Variants in C1GALT1 observed in about 807,000 individuals in gnomAD.
C1GALT1 encodes the protein glycoprotein-N-acetylgalactosamine 3-beta-galactosyltransferase 1.
C1GALT1 carries 11 observed loss-of-function variants against 31.0 expected under a neutral mutation model. The observed-to-expected ratio is 0.36, with a 90% CI of 0.22 to 0.59. The LOEUF (loss-of-function observed/expected upper bound fraction) is 0.59, where lower values mean the gene tolerates loss of function less well. Among genes scored for constraint, C1GALT1 ranks in the 20% least tolerant of loss-of-function variants. The probability of loss-of-function intolerance (pLI) is 0.79; values close to 1 mark genes in which losing one functional copy is unlikely to be tolerated. For missense variants in C1GALT1, 424 were observed against 425.2 expected, an observed-to-expected ratio of 1.00 and a Z score of 0.03; for synonymous variants, 175 against 143.6, an observed-to-expected ratio of 1.22 and a Z score of -1.56.
In C1GALT1 at chr7:7,197,931, T is replaced by C. The variant is rs11982325; in HGVS notation, c.-18+15111T>C. Among the ~76,000 whole-genome samples, 972 of 152,274 alleles carry C rather than the reference T, an allele frequency of 6.4e-3. 8 individuals carry two copies. Among genetic ancestry groups the C allele is most frequent in the African/African-American group, 0.022 (928 of 41,566 alleles). ...TGAAGTTGCTTATCAGCTTGAGATA[T>C]TGGGCTGAGACGATGGGGTTTTCTA... On this transcript the variant is annotated intron_variant, in intron 1 of 3. Coordinates refer to ENST00000436587, the MANE Select transcript of C1GALT1 (RefSeq NM_020156.5).
chr7:7,235,013 C>T (rs60971270), intron 2 of C1GALT1: 2,103 of 152,776 alleles, frequency 0.014, 45 homozygotes, highest in African/African-American at 0.047. Flanking sequence ...ACCAAGGATG[C>T]GTTCTAAAGA....
In C1GALT1 at chr7:7,182,823, A is replaced by G. The variant is rs1178873092; in HGVS notation, c.-18+3A>G. On this transcript the variant is annotated splice_donor_region_variant and intron_variant, in intron 1 of 3. Transcript: ENST00000436587. The stretch of plus-strand genomic sequence containing the variant: ...GAGGGAGCCGCAGCTGATGTCAGGT[A>G]TGGCCGGCGGAGGCGCCCTCAGGCT... 10 of 985,348 alleles carry G rather than the reference A, an allele frequency of 1.0e-5. No individual in the cohort carries two copies. Among genetic ancestry groups the G allele is most frequent in the African/African-American group, 1.7e-5 (1 of 57,216 alleles). The allele number at this position is 985,348 out of a possible 1,614,324, so 61.0% of individuals were successfully genotyped here.
At chr7:7,214,720 A>G (rs1583792947) in intron 1 of C1GALT1, among the ~76,000 whole-genome samples, 1 of 152,200 alleles carries the variant, frequency 6.6e-6, no homozygotes, top group Non-Finnish European at 1.5e-5. Flanking sequence ...CCAGCCCCCA[A>G]GCTGTCCTTG....
chr7:7,167,907 T>C (rs1277913794), intron 2 of C1GALT1, among the ~76,000 whole-genome samples: 1 of 152,228 alleles, frequency 6.6e-6, no homozygotes, highest in Non-Finnish European at 1.5e-5. Flanking sequence ...TTCGGCCTTA[T>C]GGAATCCTAA....
At chr7:7,171,956 T>G (rs1016617747) in intron 2 of C1GALT1, among the ~76,000 whole-genome samples, 1 of 152,182 alleles carries the variant, frequency 6.6e-6, no homozygotes, top group Non-Finnish European at 1.5e-5. Flanking sequence ...TTTTTATATA[T>G]GTGTTTGTTA....
At chr7:7,200,679 G>T (rs1365274843) in intron 1 of C1GALT1, among the ~76,000 whole-genome samples, 1 of 152,092 alleles carries the variant, frequency 6.6e-6, no homozygotes, top group African/African-American at 2.4e-5. Flanking sequence ...ATATTTCTTG[G>T]AGGCTTTGTT....
chr7:7,182,193 G>A (rs544963854), upstream of C1GALT1, among the ~76,000 whole-genome samples: 16 of 152,178 alleles, frequency 1.1e-4, no homozygotes, highest in Admixed American at 1.3e-4. Context: ...GCAGGCTACA[G>A]GCCACAAGAG....
chr7:7,175,397 A>G (rs1226894644), intron 2 of C1GALT1, among the ~76,000 whole-genome samples: 4 of 152,200 alleles, frequency 2.6e-5, no homozygotes, highest in Non-Finnish European at 5.9e-5. Flanking sequence ...GGGTTTTCTC[A>G]GGTGTTTTCT....
At chr7:7,181,827 C>G (rs1780595048), upstream of C1GALT1, among the ~76,000 whole-genome samples, 1 of 152,176 alleles carries the variant, frequency 6.6e-6, no homozygotes, top group South Asian at 2.1e-4. Flanking sequence ...ACCTTACCCT[C>G]ACCTCATGAC....
At chr7:7,198,115 T>G (rs2128234642) in intron 1 of C1GALT1, among the ~76,000 whole-genome samples, 1 of 152,356 alleles carries the variant, frequency 6.6e-6, no homozygotes, top group East Asian at 1.9e-4. Context: ...CTTGTGCCAG[T>G]TTTCAAAGGG....
intron 1 of C1GALT1, among the ~76,000 whole-genome samples, chr7:7,218,029 T>C (rs1410915267): frequency 6.6e-6 from 1 of 151,828 alleles, no homozygotes; most frequent in African/African-American, 2.4e-5. Context: ...GATGAGTATA[T>C]AGTAAAGGTG....
chr7:7,159,853 C>T (rs2128226235), intron 2 of C1GALT1, among the ~76,000 whole-genome samples: 1 of 152,194 alleles, frequency 6.6e-6, no homozygotes, highest in South Asian at 2.1e-4. Flanking sequence ...CACTACAGTT[C>T]ATAAAAACAT....
chr7:7,165,318 C>T (rs567577295), intron 2 of C1GALT1, among the ~76,000 whole-genome samples: 50 of 152,276 alleles, frequency 3.3e-4, no homozygotes, highest in African/African-American at 1.1e-3. Context: ...GAATAAAGCA[C>T]GCATCTAGGA....
intron 1 of C1GALT1, among the ~76,000 whole-genome samples, chr7:7,203,711 GAC>G (rs1426182426): frequency 6.6e-6 from 1 of 150,434 alleles, no homozygotes; most frequent in Non-Finnish European, 1.5e-5. Flanking sequence ...AATTTTAATT[GAC>G]ACAGTCATTG....
intron 2 of C1GALT1, among the ~76,000 whole-genome samples, chr7:7,161,730 C>A (rs903718677): frequency 6.6e-6 from 1 of 152,048 alleles, no homozygotes; most frequent in Non-Finnish European, 1.5e-5. Context: ...ATACTTCATA[C>A]TCTATCAGAT....
intron 2 of C1GALT1, among the ~76,000 whole-genome samples, chr7:7,174,216 A>G (rs1010276713): frequency 1.3e-5 from 2 of 152,194 alleles, no homozygotes; most frequent in Non-Finnish European, 2.9e-5. Context: ...CCCATCTCCA[A>G]ATACAGCCAC....
At chr7:7,234,767 G>T (rs1043248832) in intron 2 of C1GALT1, 23 of 398,146 alleles carry the variant, frequency 5.8e-5, no homozygotes, top group Non-Finnish European at 9.4e-5. Context: ...CCCATGATTT[G>T]GGGAAGGGCA....
chr7:7,230,201 T>A (rs1278178432), intron 1 of C1GALT1, among the ~76,000 whole-genome samples: 1 of 152,228 alleles, frequency 6.6e-6, no homozygotes, highest in Non-Finnish European at 1.5e-5. Context: ...AATATGAATA[T>A]ATTAAGTATG....
intron 1 of C1GALT1, among the ~76,000 whole-genome samples, chr7:7,191,213 A>C (rs1332647007): frequency 6.6e-6 from 1 of 152,148 alleles, no homozygotes; most frequent in Non-Finnish European, 1.5e-5. Context: ...ACTTTAAAGT[A>C]CTTCATGTAG....
Sources: gnomAD v4.1 joint callset for allele counts (sites outside exome capture counted in the v4.1 genomes callset) on GRCh38, gnomAD v4.1.1 for gene constraint, MANE v1.5 for transcripts, NCBI Gene and HGNC (gene_info 2026-07-23, HGNC 2026-07-21) for gene names.